IL12RB2: variants seen among roughly 807,000 people sequenced by gnomAD.
IL12RB2 encodes interleukin-12 receptor subunit beta-2.
IL12RB2 carries 82 observed loss-of-function variants against 89.4 expected under a neutral mutation model. The observed-to-expected ratio is 0.92, with a 90% confidence interval of 0.77 to 1.10. IL12RB2 has a LOEUF of 1.10. IL12RB2 is among the 50% of genes least tolerant of loss of function. The probability of loss-of-function intolerance (pLI) is 0.00; values close to 1 mark genes in which losing one functional copy is unlikely to be tolerated. For missense variants in IL12RB2, 963 were observed against 1,031.9 expected (o/e 0.93, Z 0.92); for synonymous variants, 368 against 370.1 (o/e 0.99, Z 0.07).
At chr1:67,331,094 ATC>A (rs1450082360) in intron 8 of IL12RB2, among the ~76,000 whole-genome samples, 1 of 152,180 alleles carries the variant, frequency 6.6e-6, no homozygotes. Context: ...CTCTCTTACT[ATC>A]TCAGTAACTT....
At chr1:67,328,825 A>T (rs1657677047) in intron 6 of IL12RB2, among the ~76,000 whole-genome samples, 1 of 152,168 alleles carries the variant, frequency 6.6e-6, no homozygotes, top group Non-Finnish European at 1.5e-5. Context: ...TATAAATAAA[A>T]TTTCTCAAGT....
chr1:67,349,217 A>G (rs1660563824), intron 9 of IL12RB2, among the ~76,000 whole-genome samples: 1 of 152,168 alleles, frequency 6.6e-6, no homozygotes, highest in Non-Finnish European at 1.5e-5. Flanking sequence ...CTGGTTTGCA[A>G]TGTTAGCGTT....
chr1:67,339,016 C>T (rs1659206814), intron 9 of IL12RB2, among the ~76,000 whole-genome samples: 1 of 152,004 alleles, frequency 6.6e-6, no homozygotes, highest in Non-Finnish European at 1.5e-5. Context: ...CCCACCCCCA[C>T]CTCTCCTACA....
At chr1:67,386,715 A>G (rs1665191357) in intron 15 of IL12RB2, 46 bp downstream of exon 15, 1 of 1,214,210 alleles carries the variant, frequency 8.2e-7, no homozygotes, top group Admixed American at 1.7e-5. Flanking sequence ...GCTTTTAAAA[A>G]ATGATAATAG....
chr1:67,351,426 CT>C (rs1660823656), intron 10 of IL12RB2, among the ~76,000 whole-genome samples: 1 of 152,210 alleles, frequency 6.6e-6, no homozygotes, highest in African/African-American at 2.4e-5. Context: ...ACACCAATAT[CT>C]GACTAGCTTT....
In IL12RB2 at chr1:67,328,005, A is replaced by G. The variant is rs115724684; in HGVS notation, c.480-195A>G. Among the ~76,000 whole-genome samples, 174 of 152,326 alleles carry G rather than the reference A, an allele frequency of 1.1e-3. 1 individual carries two copies. Among genetic ancestry groups the G allele is most frequent in the African/African-American group, 4.1e-3 (169 of 41,576 alleles). On this transcript the variant is annotated intron_variant, in intron 5 of 16. Coordinates refer to ENST00000674203, the MANE Select transcript of IL12RB2 (RefSeq NM_001374259.2). The stretch of plus-strand genomic sequence containing the variant: ...TGGAAGAACATCTCAGTTCTACCAA[A>G]AAAGGGAGTTGGGTGAAGTATAGTC...
intron 13 of IL12RB2, among the ~76,000 whole-genome samples, chr1:67,379,026 C>T (rs183497744): frequency 2.0e-5 from 3 of 151,392 alleles, no homozygotes; most frequent in East Asian, 2.0e-4. Context: ...GGTGAAACCC[C>T]GTTCTACTAA....
At chr1:67,370,170 A>G (rs1437331761) in intron 11 of IL12RB2, among the ~76,000 whole-genome samples, 1 of 152,182 alleles carries the variant, frequency 6.6e-6, no homozygotes, top group Non-Finnish European at 1.5e-5. Context: ...ATTCATGGTT[A>G]TTATTAATTC....
chr1:67,345,118 C>T (rs1379603333), intron 9 of IL12RB2, among the ~76,000 whole-genome samples: 2 of 152,128 alleles, frequency 1.3e-5, no homozygotes, highest in Middle Eastern at 3.4e-3. Flanking sequence ...TGCAGTGAGC[C>T]GAGATCACGC....
intron 1 of IL12RB2, among the ~76,000 whole-genome samples, chr1:67,308,420 G>A (rs976161908): frequency 2.0e-5 from 3 of 151,146 alleles, no homozygotes; most frequent in East Asian, 1.9e-4. Context: ...GTAAGATATT[G>A]GGGGGGGCCT....
chr1:67,321,933 G>T (rs1434621051), intron 4 of IL12RB2, 44 bp downstream of exon 4: 1 of 1,546,584 alleles, frequency 6.5e-7, no homozygotes, highest in East Asian at 2.2e-5. Context: ...TGATCTTTTG[G>T]TATTTTTGAT....
At chr1:67,348,308 G>T (rs1300668784) in intron 9 of IL12RB2, among the ~76,000 whole-genome samples, 1 of 152,160 alleles carries the variant, frequency 6.6e-6, no homozygotes, top group Non-Finnish European at 1.5e-5. Context: ...GGCTAGAAGG[G>T]TGACTGAGGA....
At chr1:67,314,605 A>C (rs887879087) in intron 2 of IL12RB2, among the ~76,000 whole-genome samples, 3 of 152,224 alleles carry the variant, frequency 2.0e-5, no homozygotes, top group Non-Finnish European at 2.9e-5. Context: ...ATACAGTGCT[A>C]CAGAAGAAAA....
intron 1 of IL12RB2, among the ~76,000 whole-genome samples, chr1:67,311,436 C>T (rs1405526862): frequency 6.6e-6 from 1 of 152,174 alleles, no homozygotes; most frequent in Non-Finnish European, 1.5e-5. Context: ...GAATCCAATT[C>T]TGGATTTATG....
intron 16 of IL12RB2, among the ~76,000 whole-genome samples, chr1:67,390,672 G>A (rs935859980): frequency 1.3e-5 from 2 of 152,104 alleles, no homozygotes; most frequent in African/African-American, 4.8e-5. Flanking sequence ...AGATGAGAGA[G>A]GGGAGAGTAA....
At chr1:67,392,717 G>A (rs1480861606) in intron 16 of IL12RB2, among the ~76,000 whole-genome samples, 6 of 129,622 alleles carry the variant, frequency 4.6e-5, no homozygotes, top group African/African-American at 8.7e-5. Flanking sequence ...CGCAAGCTCC[G>A]CCTCCTGGGT....
intron 10 of IL12RB2, among the ~76,000 whole-genome samples, chr1:67,362,909 G>GT (rs35903943): frequency 0.45 from 66,502 of 146,452 alleles, 16,965 homozygotes; most frequent in Non-Finnish European, 0.58. Flanking sequence ...TTAATTACTC[G>GT]TTTTTTTTTT....
intron 6 of IL12RB2, among the ~76,000 whole-genome samples, chr1:67,329,372 A>G (rs1219962873): frequency 6.6e-6 from 1 of 152,218 alleles, no homozygotes; most frequent in Admixed American, 6.5e-5. Context: ...AGATTTGATT[A>G]AGGGGGATTA....
At chr1:67,314,337 G>A (rs553855541) in intron 2 of IL12RB2, among the ~76,000 whole-genome samples, 8 of 152,258 alleles carry the variant, frequency 5.3e-5, no homozygotes, top group East Asian at 1.9e-4. Context: ...AAATACAAAC[G>A]AGGGAATCAG....
Sources: gnomAD v4.1 joint callset for allele counts (sites outside exome capture counted in the v4.1 genomes callset) on GRCh38, gnomAD v4.1.1 for gene constraint, MANE v1.5 for transcripts, NCBI Gene and HGNC (gene_info 2026-07-23, HGNC 2026-07-21) for gene names.